Variants in MYO3B observed in about 807,000 individuals in gnomAD.
MYO3B encodes the protein myosin IIIB.
A neutral mutation model predicts 174.6 loss-of-function variants in MYO3B; 156 were observed. The observed-to-expected ratio is 0.89, with a 90% CI of 0.78 to 1.02. The LOEUF (loss-of-function observed/expected upper bound fraction) is 1.02, where lower values mean the gene tolerates loss of function less well. MYO3B is among the 50% of genes least tolerant of loss of function. The pLI, the probability that MYO3B is intolerant of heterozygous loss-of-function variation, is 0.00. For synonymous variants in MYO3B, 563 were observed against 569.1 expected, an observed-to-expected ratio of 0.99 and a Z score of 0.15; for missense variants, 1,632 against 1,639.4, an observed-to-expected ratio of 1.00 and a Z score of 0.08.
intron 24 of MYO3B, among the ~76,000 whole-genome samples, chr2:170,465,272 CG>C (rs778857082): frequency 1.1e-4 from 16 of 152,146 alleles, no homozygotes; most frequent in Non-Finnish European, 1.9e-4. Context: ...GGTGAGGCCT[CG>C]GGGAGCTTTT....
At chr2:170,554,573 G>A (rs942619646) in intron 32 of MYO3B, among the ~76,000 whole-genome samples, 2 of 152,232 alleles carry the variant, frequency 1.3e-5, no homozygotes, top group Non-Finnish European at 1.5e-5. Context: ...TTCACAGCCT[G>A]TTCTCATTCC....
Position 170,555,151 on chromosome 2 carries a change from T to C in MYO3B, c.3733+11163T>C, listed in dbSNP as rs114114754. On this transcript the variant is annotated intron_variant, in intron 32 of 34. Transcript: ENST00000408978. ...GAGTAATTTTTGGCTTACAGAAATA[T>C]TGAGCTTAAAGTACAAAATTCTTAC... Among the ~76,000 whole-genome samples the C allele has an allele frequency of 6.3e-3, 953 of 152,354 alleles. 11 individuals carry two copies. The highest frequency in any genetic ancestry group is 0.02 in the African/African-American group (834 of 41,578).
chr2:170,230,761 G>A (rs2093006950), intron 6 of MYO3B, among the ~76,000 whole-genome samples: 1 of 152,136 alleles, frequency 6.6e-6, no homozygotes, highest in South Asian at 2.1e-4. Flanking sequence ...GTGATCCAGT[G>A]ATATCTACTA....
At chr2:170,421,124 G>A (rs547813324) in intron 22 of MYO3B, among the ~76,000 whole-genome samples, 2 of 152,260 alleles carry the variant, frequency 1.3e-5, no homozygotes, top group East Asian at 1.9e-4. Context: ...ATTTGTGGAC[G>A]GTTTCCTGGT....
intron 6 of MYO3B, among the ~76,000 whole-genome samples, chr2:170,230,610 T>G (rs1263701783): frequency 1.3e-5 from 2 of 151,736 alleles, no homozygotes; most frequent in Admixed American, 1.3e-4. Flanking sequence ...TTTTCAATAT[T>G]TATTTATATT....
chr2:170,311,597 A>G (rs569041421), intron 7 of MYO3B, among the ~76,000 whole-genome samples: 1 of 151,272 alleles, frequency 6.6e-6, no homozygotes, highest in East Asian at 1.9e-4. Context: ...TTGAAACATA[A>G]AAGCTTTAAA....
chr2:170,579,333 A>G (rs2106297185), intron 32 of MYO3B, among the ~76,000 whole-genome samples: 1 of 151,642 alleles, frequency 6.6e-6, no homozygotes, highest in South Asian at 2.1e-4. Flanking sequence ...AATAAAATAT[A>G]ATTATATTTC....
intron 22 of MYO3B, among the ~76,000 whole-genome samples, chr2:170,420,189 A>AAAAC (rs748353185): frequency 1.2e-4 from 18 of 152,178 alleles, no homozygotes; most frequent in Admixed American, 6.5e-4. Flanking sequence ...ACAGTCTCAA[A>AAAAC]AAACAAACAA....
intron 7 of MYO3B, among the ~76,000 whole-genome samples, chr2:170,271,275 A>G (rs2093423386): frequency 6.6e-6 from 1 of 152,202 alleles, no homozygotes; most frequent in African/African-American, 2.4e-5. Context: ...ATAATCTTAA[A>G]ATAAATGTTA....
chr2:170,332,306 G>A (rs1160453554), intron 7 of MYO3B: 3 of 152,152 alleles, frequency 2.0e-5, no homozygotes, highest in Admixed American at 2.0e-4. Context: ...ATCAAGGCAT[G>A]TTAGGAAGCT....
chr2:170,462,833 T>C (rs563398099), intron 23 of MYO3B, among the ~76,000 whole-genome samples: 58 of 152,334 alleles, frequency 3.8e-4, no homozygotes, highest in African/African-American at 1.3e-3. Context: ...GTGCATTCCA[T>C]TGGGTTTCCG....
intron 22 of MYO3B, 80 bp from the exon 23 acceptor site, chr2:170,443,887 G>A: frequency 2.5e-6 from 3 of 1,180,784 alleles, no homozygotes; most frequent in Non-Finnish European, 3.6e-6. Flanking sequence ...AAAAATACAA[G>A]GACCCAAAGG....
At chr2:170,553,494 T>C (rs1691065069) in intron 32 of MYO3B, among the ~76,000 whole-genome samples, 1 of 152,218 alleles carries the variant, frequency 6.6e-6, no homozygotes, top group South Asian at 2.1e-4. Flanking sequence ...TTCTTCCTTT[T>C]GGAATGGGAG....
At chr2:170,376,525 A>G (rs2094294767) in intron 9 of MYO3B, among the ~76,000 whole-genome samples, 2 of 152,052 alleles carry the variant, frequency 1.3e-5, no homozygotes, top group East Asian at 1.9e-4. Context: ...AGTTCTCTCT[A>G]TGGCCATGGA....
intron 22 of MYO3B, among the ~76,000 whole-genome samples, chr2:170,415,154 G>A (rs910678729): frequency 1.3e-5 from 2 of 152,190 alleles, no homozygotes; most frequent in East Asian, 1.9e-4. Context: ...CTTTGTTCCC[G>A]ATCCTGAGGT....
intron 32 of MYO3B, among the ~76,000 whole-genome samples, chr2:170,585,997 A>T (rs1435615724): frequency 6.6e-6 from 1 of 152,202 alleles, no homozygotes; most frequent in Non-Finnish European, 1.5e-5. Context: ...AGCCTGGGCC[A>T]CAGAGGAGAC....
intron 32 of MYO3B, among the ~76,000 whole-genome samples, chr2:170,623,602 C>G (rs1696129377): frequency 1.3e-5 from 2 of 152,186 alleles, no homozygotes; most frequent in Admixed American, 1.3e-4. Flanking sequence ...TCAATTTTGG[C>G]TTTTGTTGCC....
At chr2:170,565,226 T>TG (rs1428813986) in intron 32 of MYO3B, among the ~76,000 whole-genome samples, 1 of 152,202 alleles carries the variant, frequency 6.6e-6, no homozygotes, top group Non-Finnish European at 1.5e-5. Context: ...TAGTATTGTT[T>TG]GGGGCAGGAA....
intron 22 of MYO3B, among the ~76,000 whole-genome samples, chr2:170,422,868 A>G (rs866295741): frequency 6.6e-5 from 10 of 152,196 alleles, no homozygotes; most frequent in Middle Eastern, 3.4e-3. Context: ...TGTAACCAAT[A>G]TAAAAGTTAT....
Sources: allele counts gnomAD v4.1 joint callset (sites outside exome capture counted in the v4.1 genomes callset), GRCh38; gene constraint gnomAD v4.1.1; transcripts MANE v1.5; gene names NCBI Gene and HGNC (gene_info 2026-07-23, HGNC 2026-07-21).